CENPK: variants seen among roughly 807,000 people sequenced by gnomAD.
The protein encoded by CENPK is SoxLZ/Sox6-binding protein Solt.
In CENPK, 46 loss-of-function variants were observed where a neutral mutation model predicts 40.9. The ratio of observed to expected loss-of-function variants is 1.13; its 90% CI spans 0.89 to 1.44. The LOEUF (loss-of-function observed/expected upper bound fraction) is 1.44. Among genes scored for constraint, CENPK ranks in the 40% most tolerant of loss-of-function variants. CENPK has a pLI of 0.00. For missense variants in CENPK, 288 were observed against 303.5 expected (o/e 0.95, Z 0.38); for synonymous variants, 107 against 104.4 (o/e 1.02, Z -0.15).
chr5:65,554,146 T>G (rs1024952748), intron 3 of CENPK, among the ~76,000 whole-genome samples: 1 of 142,290 alleles, frequency 7.0e-6, no homozygotes, highest in African/African-American at 2.7e-5. Context: ...GTAATTATTT[T>G]TTTTTTTTTT....
intron 9 of CENPK, among the ~76,000 whole-genome samples, 166 bp from the exon 10 acceptor site, chr5:65,521,694 G>C (rs527565165): frequency 3.3e-5 from 5 of 152,210 alleles, no homozygotes; most frequent in Admixed American, 3.3e-4. Flanking sequence ...TCCGCCTCCC[G>C]GATTCAAGTG....
At position 65,529,127 on chromosome 5, in the gene CENPK, C is replaced by G. The variant is rs1286143770; in HGVS notation, c.361G>C (p.Asp121His). 1.2e-6 allele frequency: 2 copies of G among 1,605,688 alleles called. No homozygotes were observed. Among genetic ancestry groups the G allele is most frequent in the African/African-American group, 2.7e-5 (2 of 74,662 alleles). Residue 121 changes from aspartate (D) to histidine (H), a missense_variant, in exon 7 of 11, where the codon GAC (aspartate) becomes CAC (histidine). By Grantham distance (81) the Asp-to-His change is moderately conservative. Coordinates refer to ENST00000396679, the MANE Select transcript of CENPK (RefSeq NM_022145.5). Reference protein sequence around the residue: ...KESKNEKLKEDLEREQRWLDE... With the variant: ...KESKNEKLKEHLEREQRWLDE... ...GTAACATAAACAAACCTTTCTAAGT[C>G]TTCCTTTAACTTTTCATTCTTTGAC...
At chr5:65,524,314 G>A (rs1438243157) in intron 9 of CENPK, among the ~76,000 whole-genome samples, 1 of 151,608 alleles carries the variant, frequency 6.6e-6, no homozygotes, top group Non-Finnish European at 1.5e-5. Context: ...GAACCCGGGA[G>A]GTGGAGCTTA....
At chr5:65,531,998 A>G (rs1041470034) in intron 6 of CENPK, among the ~76,000 whole-genome samples, 1 of 152,218 alleles carries the variant, frequency 6.6e-6, no homozygotes, top group African/African-American at 2.4e-5. Context: ...GAGAAGGTCA[A>G]TAAAATTAGA....
In CENPK at chr5:65,554,884, C is replaced by T. The variant is rs75497175; in HGVS notation, c.24G>A (p.Pro8=). The T allele has an allele frequency of 5.6e-4, 900 of 1,597,160 alleles. 8 individuals are homozygous for T. In the East Asian group the frequency reaches 0.017, roughly 31 times the overall value. MNQEDLD[P]DSTTDVGDVT... ...CATCTCCCACATCTGTAGTACTATC[C>T]GGATCTAGATCCTCCTGATTCATTG... is the stretch of plus-strand genomic sequence containing the variant. Residue 8 remains proline (P), a synonymous_variant, in exon 3 of 11, where the codon CCG becomes CCA. Transcript: ENST00000396679.
At chr5:65,539,547 A>G (rs1255467967) in intron 6 of CENPK, among the ~76,000 whole-genome samples, 1 of 152,236 alleles carries the variant, frequency 6.6e-6, no homozygotes, top group Non-Finnish European at 1.5e-5. Context: ...TCTTTGGTTC[A>G]ATGCTGTCTT....
rs749758005 is a variant in CENPK, at chr5:65,518,503, C to T, written c.782G>A (p.Arg261Gln). 6.2e-6 allele frequency: 10 copies of T among 1,611,812 alleles called. No individual in the cohort carries two copies. Among genetic ancestry groups the T allele is most frequent in the African/African-American group, 4.0e-5 (3 of 74,798 alleles). Residue 261 changes from arginine (R) to glutamine (Q), a missense_variant, in exon 11 of 11, where the codon CGA becomes CAA. Coordinates refer to ENST00000396679, the MANE Select transcript of CENPK (RefSeq NM_022145.5). ...CTGATGGAAAGCTTCTAATCTTATT[C>T]GGGTTGGATCTTCTGGATGTCTCAA... Reference protein sequence around the residue: ...IALRHPEDPTRIRLEAFHQ With the variant: ...IALRHPEDPTQIRLEAFHQ
chr5:65,557,926 G>A (rs1405290143), intron 2 of CENPK, among the ~76,000 whole-genome samples: 1 of 152,184 alleles, frequency 6.6e-6, no homozygotes, highest in Non-Finnish European at 1.5e-5. Flanking sequence ...AAAATATTAA[G>A]TATATGAAAC....
chr5:65,551,562 A>C lies in CENPK; in HGVS notation c.241+2T>G. The C allele has an allele frequency of 6.7e-7, 1 of 1,492,622 alleles. No homozygotes were observed. Among genetic ancestry groups the C allele is most frequent in the Non-Finnish European group, 9.1e-7 (1 of 1,093,868 alleles). 92.5% of individuals were successfully genotyped at this position (1,492,622 alleles called of 1,614,324 possible). On this transcript the variant is annotated splice_donor_variant, in intron 5 of 10. Coordinates refer to ENST00000396679, the MANE Select transcript of CENPK (RefSeq NM_022145.5). LOFTEE classifies it high-confidence loss of function. Reference sequence around the variant, plus strand: ...AATTCAAATTTAAAATAAGAATCTTACTTTCAGGTGTTTTTTTCTGCCATT... The same window carrying C: ...AATTCAAATTTAAAATAAGAATCTTCCTTTCAGGTGTTTTTTTCTGCCATT...
At chr5:65,559,628 CAGA>C (rs1362197499) in intron 2 of CENPK, among the ~76,000 whole-genome samples, 15 of 55,684 alleles carry the variant, frequency 2.7e-4, no homozygotes, top group Non-Finnish European at 3.5e-4. Context: ...GACTCCGTCT[CAGA>C]AAAAAAAAAA....
At chr5:65,545,441 G>A (rs984808456) in intron 5 of CENPK, among the ~76,000 whole-genome samples, 2 of 151,750 alleles carry the variant, frequency 1.3e-5, no homozygotes, top group African/African-American at 2.4e-5. Context: ...AGTACCAAGG[G>A]AGGCAGAGGT....
At chr5:65,518,656 A>C (rs772288773) in intron 10 of CENPK, 23 bp from the exon 11 acceptor site, 4 of 1,495,348 alleles carry the variant, frequency 2.7e-6, no homozygotes, top group Non-Finnish European at 2.8e-6. Flanking sequence ...ATCATTCAAA[A>C]TATACTTTAC....
At chr5:65,542,195 CAGA>C (rs1396228524) in intron 6 of CENPK, among the ~76,000 whole-genome samples, 1 of 152,142 alleles carries the variant, frequency 6.6e-6, no homozygotes, top group East Asian at 1.9e-4. Flanking sequence ...TAGTCCACAG[CAGA>C]AGGAGAGATG....
intron 2 of CENPK, among the ~76,000 whole-genome samples, chr5:65,558,758 G>A (rs948217968): frequency 6.6e-6 from 1 of 152,112 alleles, no homozygotes; most frequent in African/African-American, 2.4e-5. Context: ...CAAAGTGAAA[G>A]AATGGCCATA....
At chr5:65,530,367 T>C (rs979921229) in intron 6 of CENPK, among the ~76,000 whole-genome samples, 1 of 152,144 alleles carries the variant, frequency 6.6e-6, no homozygotes, top group Non-Finnish European at 1.5e-5. Context: ...TTAGGTAGTA[T>C]GATATGGAAA....
At position 65,518,393 on chromosome 5, in the gene CENPK, T is replaced by C; in HGVS notation, c.*82A>G. 1 of 1,396,920 alleles carries C rather than the reference T, an allele frequency of 7.2e-7. No homozygotes were observed. Among genetic ancestry groups the C allele is most frequent in the Non-Finnish European group, 9.9e-7 (1 of 1,014,518 alleles). The allele number at this position is 1,396,920 out of a possible 1,614,324, so 86.5% of individuals were successfully genotyped here. A position where few individuals can be genotyped will look rare whatever the true frequency, so the allele number is the denominator to read the frequency against. ...CCTATGCGCATTAATTTGCAAATAA[T>C]GTTTTTTATCCAAATAGTCCTGTGG... On this transcript the variant is annotated 3_prime_UTR_variant, in exon 11 of 11. Coordinates refer to ENST00000396679, the MANE Select transcript of CENPK (RefSeq NM_022145.5).
chr5:65,561,431 C>A, intron 2 of CENPK, 32 bp downstream of exon 2: 2 of 434,502 alleles, frequency 4.6e-6, no homozygotes, highest in South Asian at 1.6e-5. Flanking sequence ...AGAATAAAAA[C>A]ATATAGAAAC....
the CENPK span, among the ~76,000 whole-genome samples, chr5:65,512,560 T>C: frequency 1.3e-5 from 2 of 152,230 alleles, no homozygotes; most frequent in East Asian, 3.8e-4. Context: ...TCTCAGCACT[T>C]TTTAGCAATA....
chr5:65,551,330 G>A (rs981085954), intron 5 of CENPK: 20 of 411,378 alleles, frequency 4.9e-5, no homozygotes, highest in Admixed American at 8.8e-5. Flanking sequence ...TAACATAATA[G>A]CTATAATAAC....
Sources: gnomAD v4.1 joint callset for allele counts (sites outside exome capture counted in the v4.1 genomes callset) on GRCh38, gnomAD v4.1.1 for gene constraint, MANE v1.5 for transcripts, NCBI Gene and HGNC (gene_info 2026-07-23, HGNC 2026-07-21) for gene names.